SMG6: variants seen among roughly 807,000 people sequenced by gnomAD.
SMG6 encodes telomerase-binding protein EST1A.
A neutral mutation model predicts 142.2 loss-of-function variants in SMG6; 66 were observed. The observed-to-expected ratio is 0.46, with a 90% CI of 0.38 to 0.57. SMG6 has a LOEUF of 0.57. Ranked by LOEUF, SMG6 falls within the 20% of genes least tolerant of loss-of-function variation. The pLI is 0.00. For missense variants in SMG6, 1,793 were observed against 1,832.0 expected (o/e 0.98, Z 0.39); for synonymous variants, 779 against 702.4 (o/e 1.11, Z -1.72).
intron 9 of SMG6, 133 bp from the exon 10 acceptor site, chr17:2,236,770 G>C (rs1456497800): frequency 7.4e-7 from 1 of 1,352,374 alleles, no homozygotes; most frequent in Non-Finnish European, 9.5e-7. Context: ...CTACTGCCTA[G>C]GACATTTCTT....
intron 13 of SMG6, among the ~76,000 whole-genome samples, chr17:2,096,290 G>A (rs2068853662): frequency 6.6e-6 from 1 of 152,070 alleles, no homozygotes; most frequent in Admixed American, 6.6e-5. Context: ...TGCAACCTTC[G>A]TCTTGAACCT....
chr17:2,198,151 T>A (rs2072390189), intron 10 of SMG6, among the ~76,000 whole-genome samples: 1 of 152,182 alleles, frequency 6.6e-6, no homozygotes, highest in Non-Finnish European at 1.5e-5. Context: ...GGAATACTAC[T>A]CAGCAATAAA....
At chr17:2,178,176 G>GAA (rs2071702774) in intron 12 of SMG6, among the ~76,000 whole-genome samples, 1 of 152,210 alleles carries the variant, frequency 6.6e-6, no homozygotes, top group Non-Finnish European at 1.5e-5. Context: ...TGGTACCTCA[G>GAA]TGCTAGGTAG....
At chr17:2,212,199 A>C (rs557251454) in intron 10 of SMG6, among the ~76,000 whole-genome samples, 169 of 152,352 alleles carry the variant, frequency 1.1e-3, no homozygotes, top group Middle Eastern at 3.4e-3. Flanking sequence ...TGCATTTTCC[A>C]ATGGGATCCA....
intron 10 of SMG6, among the ~76,000 whole-genome samples, chr17:2,190,291 T>G (rs933211866): frequency 4.6e-5 from 7 of 152,146 alleles, no homozygotes; most frequent in Admixed American, 3.9e-4. Flanking sequence ...GGCCACATCC[T>G]GGTAGCTGAT....
At chr17:2,197,915 G>T (rs867493868) in intron 10 of SMG6, among the ~76,000 whole-genome samples, 1 of 152,206 alleles carries the variant, frequency 6.6e-6, no homozygotes, top group African/African-American at 2.4e-5. Flanking sequence ...CTGGAAAATA[G>T]TTTGGCAGTT....
At chr17:2,270,759 G>A (rs1485772885) in intron 8 of SMG6, among the ~76,000 whole-genome samples, 2 of 152,188 alleles carry the variant, frequency 1.3e-5, no homozygotes, top group Non-Finnish European at 2.9e-5. Context: ...TTTGAAACAA[G>A]GTCATCAACT....
intron 13 of SMG6, among the ~76,000 whole-genome samples, chr17:2,157,693 T>G (rs1250156737): frequency 1.3e-5 from 2 of 152,170 alleles, no homozygotes; most frequent in African/African-American, 4.8e-5. Context: ...AGGCTTAACT[T>G]TGTAGTAAAG....
chr17:2,263,104 C>T (rs1429910515), intron 8 of SMG6, among the ~76,000 whole-genome samples: 1 of 152,142 alleles, frequency 6.6e-6, no homozygotes, highest in Non-Finnish European at 1.5e-5. Context: ...CGAAGATAAA[C>T]GCCCTTTACA....
intron 13 of SMG6, among the ~76,000 whole-genome samples, chr17:2,118,834 C>T (rs898206779): frequency 6.6e-6 from 1 of 151,260 alleles, no homozygotes; most frequent in Admixed American, 6.6e-5. Context: ...AGGGATTCTC[C>T]TGCCTTAGAC....
chr17:2,208,730 A>G (rs1484826188), intron 10 of SMG6, among the ~76,000 whole-genome samples: 1 of 152,260 alleles, frequency 6.6e-6, no homozygotes, highest in African/African-American at 2.4e-5. Flanking sequence ...ATCAAAGAAG[A>G]AAGTGAAAAA....
At position 2,059,970 on chromosome 17, in the gene SMG6, G is replaced by A. The variant is rs1208461716; in HGVS notation, c.*1522C>T. 4 of 152,458 alleles carry A rather than the reference G, an allele frequency of 2.6e-5. No individual in the cohort carries two copies. The highest frequency in any genetic ancestry group is 2.1e-4 in the South Asian group (1 of 4,828). 9.4% of individuals were successfully genotyped at this position (152,458 alleles called of 1,614,324 possible). A position where few individuals can be genotyped will look rare whatever the true frequency, so the allele number is the denominator to read the frequency against. ...TCCAGCTGGGGAGAGAATCTTAAAGGAGAGGCCGGGGACCCTGTACTCCAA... is the reference window on the plus strand; with the variant it reads ...TCCAGCTGGGGAGAGAATCTTAAAGAAGAGGCCGGGGACCCTGTACTCCAA... On this transcript the variant is annotated 3_prime_UTR_variant, in exon 19 of 19. Transcript: ENST00000263073.
chr17:2,098,531 T>C (rs7225843), intron 13 of SMG6, among the ~76,000 whole-genome samples: 47,026 of 152,074 alleles, frequency 0.31, 8,972 homozygotes, highest in African/African-American at 0.54. Flanking sequence ...TGATTTCATC[T>C]TGTCATTTAC....
intron 6 of SMG6, among the ~76,000 whole-genome samples, chr17:2,289,908 T>A (rs1023187385): frequency 6.8e-6 from 1 of 147,026 alleles, no homozygotes; most frequent in African/African-American, 2.5e-5. Context: ...AAAGCGAGGC[T>A]CCATCTCAAA....
intron 10 of SMG6, among the ~76,000 whole-genome samples, chr17:2,210,594 G>C (rs1282265641): frequency 6.6e-6 from 1 of 151,980 alleles, no homozygotes; most frequent in Non-Finnish European, 1.5e-5. Context: ...AATGGGGAAA[G>C]AGAAAGAGGA....
intron 13 of SMG6, among the ~76,000 whole-genome samples, chr17:2,130,119 G>A (rs1212095436): frequency 6.6e-6 from 1 of 151,048 alleles, no homozygotes; most frequent in African/African-American, 2.4e-5. Flanking sequence ...AATTAGCTGG[G>A]CGTGGTGGCG....
rs576527533 is a variant in SMG6 at position 2,289,030 on chromosome 17, G to C, written c.2337+3522C>G. Among the ~76,000 whole-genome samples the C allele has an allele frequency of 7.6e-5, 11 of 144,364 alleles. No homozygotes were observed. The South Asian group carries it at 1.5e-3, about 20-fold the overall frequency. 94.7% of individuals were successfully genotyped at this position (144,364 alleles called of 152,430 possible). On this transcript the variant is annotated intron_variant, in intron 6 of 18. Transcript: ENST00000263073. ...GGAGGTGGAGCTCGCAGTGAGCCGA[G>C]ATTGCGCCACTGCACTCCAGCCTGG...
At chr17:2,242,229 T>C (rs1442446960) in intron 9 of SMG6, among the ~76,000 whole-genome samples, 1 of 151,688 alleles carries the variant, frequency 6.6e-6, no homozygotes, top group East Asian at 1.9e-4. Context: ...AAAAGATAAA[T>C]AGGCCGGGCG....
At chr17:2,293,374 C>A (rs1032331471) in intron 4 of SMG6, among the ~76,000 whole-genome samples, 1 of 152,140 alleles carries the variant, frequency 6.6e-6, no homozygotes, top group African/African-American at 2.4e-5. Context: ...AGTAACTACT[C>A]TATAGGGTAA....
Sources: gnomAD v4.1 joint callset for allele counts (sites outside exome capture counted in the v4.1 genomes callset) on GRCh38, gnomAD v4.1.1 for gene constraint, MANE v1.5 for transcripts, NCBI Gene and HGNC (gene_info 2026-07-23, HGNC 2026-07-21) for gene names.